The following RPAP2 variants were observed in gnomAD, a reference collection of about 807,000 sequenced individuals.
RPAP2 encodes the protein RNA polymerase II associated protein 2.
In RPAP2, 52 loss-of-function variants were observed where a neutral mutation model predicts 73.1. That is an observed-to-expected ratio of 0.71 (90% CI 0.57 to 0.90). RPAP2 has a LOEUF of 0.90. Among genes scored for constraint, RPAP2 ranks in the 40% least tolerant of loss-of-function variants. RPAP2 has a pLI of 0.00. For missense variants in RPAP2, 598 were observed against 701.8 expected, an observed-to-expected ratio of 0.85 and a Z score of 1.67; for synonymous variants, 225 against 242.1, an observed-to-expected ratio of 0.93 and a Z score of 0.65.
chr1:92,317,299 G>A (rs1424494405), intron 6 of RPAP2, among the ~76,000 whole-genome samples: 1 of 152,106 alleles, frequency 6.6e-6, no homozygotes, highest in Admixed American at 6.5e-5. Context: ...ATGAGGTCAG[G>A]AATTCGAGAC....
At chr1:92,319,030 G>A (rs919536434) in intron 6 of RPAP2, among the ~76,000 whole-genome samples, 2 of 152,022 alleles carry the variant, frequency 1.3e-5, no homozygotes, top group Admixed American at 6.6e-5. Context: ...ATTTAAACAC[G>A]ATTACATGCT....
chr1:92,374,933 CA>C (rs967860848), intron 11 of RPAP2, among the ~76,000 whole-genome samples: 2 of 151,746 alleles, frequency 1.3e-5, no homozygotes, highest in Admixed American at 6.6e-5. Context: ...TCTATGTAAG[CA>C]AAAACCACCT....
intron 10 of RPAP2, among the ~76,000 whole-genome samples, chr1:92,342,220 T>C (rs1319774450): frequency 6.6e-6 from 1 of 152,168 alleles, no homozygotes; most frequent in African/African-American, 2.4e-5. Flanking sequence ...GAGAAGACAC[T>C]GTTTGTGTAA....
At position 92,324,081 on chromosome 1, in the gene RPAP2, T is replaced by C. The variant is rs1223274197; in HGVS notation, c.1161T>C (p.Tyr387=). Residue 387 remains tyrosine, a synonymous_variant, in exon 8 of 13, where the codon TAT becomes TAC. Coordinates refer to ENST00000610020, the MANE Select transcript of RPAP2 (RefSeq NM_024813.3). ...CAGAAGAAACATTGAGGTTTTTGTATGGCCAGAATTATGCTTCTGTGTGTC... is the reference window on the plus strand; with the variant it reads ...CAGAAGAAACATTGAGGTTTTTGTACGGCCAGAATTATGCTTCTGTGTGTC... ...WKTEETLRFL[Y]GQNYASVCLK... is the part of the protein sequence containing the mutation. 3.1e-6 allele frequency: 5 copies of C among 1,613,934 alleles called. No homozygotes were observed. The South Asian group carries it at 5.5e-5, about 18-fold the overall frequency.
chr1:92,332,113 C>CT lies in RPAP2; in HGVS notation c.1456-1269dup, dbSNP rs890985572. Among the ~76,000 whole-genome samples the CT allele has an allele frequency of 7.6e-4, 114 of 149,808 alleles. 1 individual carries two copies. The highest frequency in any genetic ancestry group is 1.8e-3 in the African/African-American group (74 of 40,864). ...TTCCATTCTGCCTCTTCTCTTTAGT[C>CT]TTTTTTTTTACTGTATCTTGTAGGT... On this transcript the variant is annotated intron_variant, in intron 8 of 12. Coordinates refer to ENST00000610020, the MANE Select transcript of RPAP2 (RefSeq NM_024813.3).
chr1:92,361,077 C>CATATATATATATATA lies in RPAP2; in HGVS notation c.1688+15175_1688+15189dup, dbSNP rs1321080941. 5.9e-3 allele frequency among the ~76,000 whole-genome samples: 843 copies of CATATATATATATATA among 142,612 alleles called. 3 individuals are homozygous for CATATATATATATATA. The highest frequency in any genetic ancestry group is 0.011 in the Middle Eastern group (3 of 284). 93.6% of individuals were successfully genotyped at this position (142,612 alleles called of 152,430 possible). On this transcript the variant is annotated intron_variant, in intron 11 of 12. Transcript: ENST00000610020. ...CATGTAATTTACCAAAAGCAAAAAG[C>CATATATATATATATA]ATATATATATATATAATATATATAT...
At chr1:92,320,418 G>A (rs1371867056) in intron 6 of RPAP2, among the ~76,000 whole-genome samples, 181 bp from the exon 7 acceptor site, 3 of 151,942 alleles carry the variant, frequency 2.0e-5, no homozygotes, top group African/African-American at 7.3e-5. Flanking sequence ...GACTACAGGC[G>A]CGCACCGCCA....
At position 92,387,161 on chromosome 1, in the gene RPAP2, C is replaced by T. The variant is rs964520557; in HGVS notation, c.*150C>T. The T allele has an allele frequency of 8.6e-5, 57 of 664,726 alleles. No individual in the cohort carries two copies. Among genetic ancestry groups the T allele is most frequent in the Admixed American group, 3.0e-4 (10 of 33,520 alleles). The allele number at this position is 664,726 out of a possible 1,614,324, so 41.2% of individuals were successfully genotyped here. A position where few individuals can be genotyped will look rare whatever the true frequency, so the allele number is the denominator to read the frequency against. The stretch of plus-strand genomic sequence containing the variant: ...AGTTTCAATCTCCCATCTCCCAGTC[C>T]TTCAGTCCCCAACTGCAGAGGATGA... On this transcript the variant is annotated 3_prime_UTR_variant, in exon 13 of 13. Coordinates refer to ENST00000610020, the MANE Select transcript of RPAP2 (RefSeq NM_024813.3).
intron 10 of RPAP2, among the ~76,000 whole-genome samples, chr1:92,344,369 C>T (rs974410337): frequency 6.6e-6 from 1 of 152,128 alleles, no homozygotes; most frequent in Non-Finnish European, 1.5e-5. Flanking sequence ...CATGCCACTG[C>T]ACTCCAGCCT....
At position 92,323,612 on chromosome 1, in the gene RPAP2, AC is replaced by A; in HGVS notation, c.693del (p.Asn231LysfsTer17). On this transcript the variant is annotated frameshift_variant, in exon 8 of 13. Coordinates refer to ENST00000610020, the MANE Select transcript of RPAP2 (RefSeq NM_024813.3). LOFTEE classifies it high-confidence loss of function. The part of the protein sequence containing the change: ...QDFVSSILPG[N>X]RPNSTNIRPQ... Reference sequence around the variant, plus strand: ...TTTGTTTCCTCCATTCTACCAGGAAACAGACCAAATTCAACAAATATTAGAC... The same window carrying A: ...TTTGTTTCCTCCATTCTACCAGGAAAAGACCAAATTCAACAAATATTAGAC... The A allele has an allele frequency of 6.2e-7, 1 of 1,614,114 alleles. No individual in the cohort carries two copies. The highest frequency in any genetic ancestry group is 2.2e-5 in the East Asian group (1 of 44,872).
intron 1 of RPAP2, 86 bp downstream of exon 1, chr1:92,299,232 T>C: frequency 2.6e-6 from 2 of 766,234 alleles, no homozygotes; most frequent in Non-Finnish European, 3.9e-6. Context: ...CGGGCGCTCC[T>C]GAAAGGCTGC....
intron 8 of RPAP2, among the ~76,000 whole-genome samples, chr1:92,329,573 T>C (rs1322090480): frequency 6.6e-6 from 1 of 152,182 alleles, no homozygotes; most frequent in Non-Finnish European, 1.5e-5. Flanking sequence ...TTTTCTGGTA[T>C]GTTTCTGCGG....
At chr1:92,303,930 A>G (rs368423779) in intron 3 of RPAP2, 47 bp from the exon 4 acceptor site, 1 of 1,313,626 alleles carries the variant, frequency 7.6e-7, no homozygotes, top group African/African-American at 1.5e-5. Flanking sequence ...TGATAAATGA[A>G]CTTTTCTATT....
At chr1:92,353,261 C>T (rs980210639) in intron 11 of RPAP2, among the ~76,000 whole-genome samples, 7 of 152,124 alleles carry the variant, frequency 4.6e-5, no homozygotes, top group African/African-American at 1.7e-4. Flanking sequence ...TTTTAAAGAA[C>T]TGCCAAAGTG....
chr1:92,373,739 T>TAA lies in RPAP2; in HGVS notation c.1689-6955_1689-6954dup, dbSNP rs59586077. 4.3e-3 allele frequency among the ~76,000 whole-genome samples: 345 copies of TAA among 80,464 alleles called. 32 individuals carry two copies. Among genetic ancestry groups the TAA allele is most frequent in the Non-Finnish European group, 7.3e-3 (295 of 40,628 alleles). 52.8% of individuals were successfully genotyped at this position (80,464 alleles called of 152,430 possible). ...GGTGAAACCCCGTCTCTACTAAAAA[T>TAA]AAAAAAAAAAAAAAAAAAAAAAAAA... is the stretch of plus-strand genomic sequence containing the variant. On this transcript the variant is annotated intron_variant, in intron 11 of 12. Coordinates refer to ENST00000610020, the MANE Select transcript of RPAP2 (RefSeq NM_024813.3).
rs958149749 is a variant in RPAP2, at chr1:92,393,619, C to G, written c.*6608C>G. ...ATCCAGAATCTACAAAGAACTTAAA[C>G]AAATTTACAAGAAAAAAGCAAACAA... On this transcript the variant is annotated 3_prime_UTR_variant, in exon 13 of 13. Coordinates refer to ENST00000610020, the MANE Select transcript of RPAP2 (RefSeq NM_024813.3). 5.3e-5 allele frequency: 8 copies of G among 152,118 alleles called. No homozygotes were observed. The highest frequency in any genetic ancestry group is 1.7e-4 in the African/African-American group (7 of 41,426). 9.4% of individuals were successfully genotyped at this position (152,118 alleles called of 1,614,324 possible).
intron 11 of RPAP2, among the ~76,000 whole-genome samples, chr1:92,372,638 G>A (rs1655201780): frequency 6.6e-6 from 1 of 152,200 alleles, no homozygotes; most frequent in Non-Finnish European, 1.5e-5. Flanking sequence ...GGGGAGCCCA[G>A]CACAGTGGCT....
At chr1:92,306,158 G>A (rs886716632) in intron 5 of RPAP2, among the ~76,000 whole-genome samples, 3 of 152,112 alleles carry the variant, frequency 2.0e-5, no homozygotes, top group Admixed American at 1.3e-4. Flanking sequence ...TCACTTATAT[G>A]AGGTACCTAG....
chr1:92,316,351 T>G (rs1301878404), intron 6 of RPAP2, among the ~76,000 whole-genome samples: 1 of 152,194 alleles, frequency 6.6e-6, no homozygotes, highest in African/African-American at 2.4e-5. Flanking sequence ...AAAAGCTTTC[T>G]GAAACAGGGT....
Sources: allele counts gnomAD v4.1 joint callset (sites outside exome capture counted in the v4.1 genomes callset), GRCh38; gene constraint gnomAD v4.1.1; transcripts MANE v1.5; gene names NCBI Gene and HGNC (gene_info 2026-07-23, HGNC 2026-07-21).